HEMGN: variants seen among roughly 807,000 people sequenced by gnomAD.
HEMGN encodes erythroid differentiation-associated gene protein.
A neutral mutation model predicts 45.7 loss-of-function variants in HEMGN; 32 were observed. The observed-to-expected ratio is 0.70, with a 90% CI of 0.53 to 0.94. HEMGN has a LOEUF of 0.94. Among genes scored for constraint, HEMGN ranks in the 40% least tolerant of loss-of-function variants. The pLI, the probability that HEMGN is intolerant of heterozygous loss-of-function variation, is 0.00. For missense variants in HEMGN, 530 were observed against 564.2 expected, an observed-to-expected ratio of 0.94 and a Z score of 0.61; for synonymous variants, 183 against 178.6, an observed-to-expected ratio of 1.02 and a Z score of -0.20.
upstream of HEMGN, among the ~76,000 whole-genome samples, chr9:97,940,980 C>T (rs575192060): frequency 6.6e-6 from 1 of 152,244 alleles, no homozygotes; most frequent in Admixed American, 6.5e-5. Context: ...CAGCGCAGTC[C>T]TATGTGTTAG....
chr9:97,928,653 T>G (rs1047137001), intron 3 of HEMGN, among the ~76,000 whole-genome samples: 3 of 152,214 alleles, frequency 2.0e-5, no homozygotes, highest in Non-Finnish European at 4.4e-5. Context: ...AAATATTTAA[T>G]ATGGTGTCTG....
At chr9:97,931,710 A>G (rs1826957296) in intron 2 of HEMGN, among the ~76,000 whole-genome samples, 1 of 152,178 alleles carries the variant, frequency 6.6e-6, no homozygotes, top group Non-Finnish European at 1.5e-5. Context: ...TGGATGCTGT[A>G]TATGGCTTGA....
At chr9:97,932,571 C>T (rs553516974) in intron 2 of HEMGN, among the ~76,000 whole-genome samples, 42 of 152,156 alleles carry the variant, frequency 2.8e-4, no homozygotes, top group Non-Finnish European at 5.7e-4. Context: ...TCTGGGAGGC[C>T]GAGGCTGGTG....
At chr9:97,933,777 A>G (rs1331926461) in intron 2 of HEMGN, among the ~76,000 whole-genome samples, 2 of 152,134 alleles carry the variant, frequency 1.3e-5, no homozygotes, top group African/African-American at 4.8e-5. Context: ...GTTTCACTGT[A>G]TGGTGTGTTG....
At chr9:97,941,947 G>T (rs949721819), upstream of HEMGN, among the ~76,000 whole-genome samples, 9 of 152,162 alleles carry the variant, frequency 5.9e-5, no homozygotes, top group Non-Finnish European at 8.8e-5. Flanking sequence ...GATTATGGAG[G>T]TGAAGTAACT....
intron 2 of HEMGN, among the ~76,000 whole-genome samples, chr9:97,931,440 A>G (rs1564121464): frequency 6.6e-6 from 1 of 152,186 alleles, no homozygotes; most frequent in Non-Finnish European, 1.5e-5. Flanking sequence ...ACTTCGTGGC[A>G]TTGATACCAT....
At chr9:97,936,699 G>T (rs1458331263) in intron 1 of HEMGN, among the ~76,000 whole-genome samples, 3 of 152,004 alleles carry the variant, frequency 2.0e-5, no homozygotes, top group African/African-American at 7.2e-5. Context: ...CGTTATATTA[G>T]AACTATTTTC....
intron 2 of HEMGN, among the ~76,000 whole-genome samples, chr9:97,934,157 G>A (rs769202438): frequency 6.6e-6 from 1 of 152,204 alleles, no homozygotes; most frequent in East Asian, 1.9e-4. Context: ...GACCAGCCTG[G>A]CCATCATGGC....
intron 1 of HEMGN, 80 bp downstream of exon 1, chr9:97,937,977 GC>G: frequency 1.8e-6 from 1 of 558,722 alleles, no homozygotes; most frequent in Non-Finnish European, 2.9e-6. Context: ...TTTTTTTTTG[GC>G]CAGATCCATT....
upstream of HEMGN, among the ~76,000 whole-genome samples, chr9:97,941,961 C>G (rs897778274): frequency 3.9e-5 from 6 of 152,180 alleles, no homozygotes; most frequent in African/African-American, 1.4e-4. Flanking sequence ...AGTAACTTGG[C>G]CAAGGGCATG....
At chr9:97,943,948 C>T (rs368387120) in intron 1 of HEMGN, among the ~76,000 whole-genome samples, 1 of 152,082 alleles carries the variant, frequency 6.6e-6, no homozygotes, top group African/African-American at 2.4e-5. Context: ...CTTTTGGCCT[C>T]TCTGATGGTG....
Position 97,927,093 on chromosome 9 carries a change from A to T in HEMGN, c.*291T>A, listed in dbSNP as rs77253143. On this transcript the variant is annotated 3_prime_UTR_variant, in exon 4 of 4. Transcript: ENST00000616898. Reference sequence around the variant, plus strand: ...GTAAATAAATGTTCTTAGGGGGGAAAACCAATTATCCAGTCCTCCCCGCTT... The same window carrying T: ...GTAAATAAATGTTCTTAGGGGGGAATACCAATTATCCAGTCCTCCCCGCTT... 9.8e-3 allele frequency: 2,135 copies of T among 218,440 alleles called. 47 individuals carry two copies. The highest frequency in any genetic ancestry group is 0.045 in the African/African-American group (1,979 of 43,910). 13.5% of individuals were successfully genotyped at this position (218,440 alleles called of 1,614,324 possible). A position where few individuals can be genotyped will look rare whatever the true frequency, so the allele number is the denominator to read the frequency against.
chr9:97,940,729 C>A (rs1343088502), upstream of HEMGN, among the ~76,000 whole-genome samples: 2 of 152,230 alleles, frequency 1.3e-5, no homozygotes, highest in African/African-American at 4.8e-5. Flanking sequence ...ATAAACCTCT[C>A]TCTAGGCCAC....
At chr9:97,943,058 G>GA (rs1827175302), upstream of HEMGN, among the ~76,000 whole-genome samples, 1 of 152,160 alleles carries the variant, frequency 6.6e-6, no homozygotes, top group Admixed American at 6.5e-5. Context: ...GTAACTTGGG[G>GA]AAAATCACTT....
Position 97,928,342 on chromosome 9 carries a change from T to C in HEMGN, c.1361-864A>G, listed in dbSNP as rs1048513445. 3.3e-5 allele frequency among the ~76,000 whole-genome samples: 5 copies of C among 152,324 alleles called. No individual in the cohort carries two copies. The East Asian group carries it at 9.6e-4, about 29-fold the overall frequency. On this transcript the variant is annotated intron_variant, in intron 3 of 3. Coordinates refer to ENST00000616898, the MANE Select transcript of HEMGN (RefSeq NM_197978.3). ...CGCCCGGCCGATCAAGTGTATTTTT[T>C]AACCTAGCAGACAGACAAGGATTTT...
intron 2 of HEMGN, 110 bp downstream of exon 2, chr9:97,936,061 A>G: frequency 1.3e-6 from 1 of 757,504 alleles, no homozygotes; most frequent in Admixed American, 2.2e-5. Flanking sequence ...TGTCTGATTT[A>G]CAGGATTGTT....
chr9:97,938,372 C>G (rs3758253), upstream of HEMGN: 2 of 451,598 alleles, frequency 4.4e-6, no homozygotes, highest in African/African-American at 4.1e-5. Context: ...GCTAGCAACC[C>G]CTAGCATAGG....
At chr9:97,935,005 A>G (rs12377604) in intron 2 of HEMGN, among the ~76,000 whole-genome samples, 45,794 of 152,098 alleles carry the variant, frequency 0.3, 7,699 homozygotes, top group Non-Finnish European at 0.37. Flanking sequence ...TGCCTCTCTG[A>G]GGAGGGAACC....
chr9:97,943,109 G>A (rs780546805), upstream of HEMGN, among the ~76,000 whole-genome samples: 8 of 152,188 alleles, frequency 5.3e-5, no homozygotes, highest in Non-Finnish European at 8.8e-5. Flanking sequence ...GTAAAATAGA[G>A]AAAGGTAATA....
Sources: allele counts gnomAD v4.1 joint callset (sites outside exome capture counted in the v4.1 genomes callset), GRCh38; gene constraint gnomAD v4.1.1; transcripts MANE v1.5; gene names NCBI Gene and HGNC (gene_info 2026-07-23, HGNC 2026-07-21).